PAWR: variants seen among roughly 807,000 people sequenced by gnomAD.
PAWR encodes the protein PRKC apoptosis WT1 regulator protein.
Under a neutral mutation model 32.0 loss-of-function variants are expected in PAWR, and 23 were observed. That is an observed-to-expected ratio of 0.72 (90% CI 0.52 to 1.02). The LOEUF (loss-of-function observed/expected upper bound fraction) is 1.02. Among genes scored for constraint, PAWR ranks in the 50% least tolerant of loss-of-function variants. The pLI, the probability that PAWR is intolerant of heterozygous loss-of-function variation, is 0.00. For synonymous variants in PAWR, 226 were observed against 187.1 expected, an observed-to-expected ratio of 1.21 and a Z score of -1.70; for missense variants, 457 against 437.7, an observed-to-expected ratio of 1.04 and a Z score of -0.39.
At chr12:79,679,587 G>A (rs745895275) in intron 2 of PAWR, among the ~76,000 whole-genome samples, 1 of 152,154 alleles carries the variant, frequency 6.6e-6, no homozygotes, top group Non-Finnish European at 1.5e-5. Flanking sequence ...GGAGGTAGAG[G>A]CTGAGTATTT....
At chr12:79,672,976 G>A (rs940069116) in intron 2 of PAWR, among the ~76,000 whole-genome samples, 8 of 151,984 alleles carry the variant, frequency 5.3e-5, no homozygotes, top group African/African-American at 1.7e-4. Context: ...CTACCACAAC[G>A]AAAATAATGA....
At chr12:79,628,604 T>C (rs1875457634) in intron 2 of PAWR, among the ~76,000 whole-genome samples, 1 of 151,720 alleles carries the variant, frequency 6.6e-6, no homozygotes. Context: ...CTTCTACAAA[T>C]AACAAAAACT....
chr12:79,679,332 A>G (rs917151281), intron 2 of PAWR, among the ~76,000 whole-genome samples: 1 of 152,162 alleles, frequency 6.6e-6, no homozygotes, highest in African/African-American at 2.4e-5. Context: ...AATGCTACAG[A>G]GAGGACAAAT....
chr12:79,613,850 T>C (rs974303591), intron 3 of PAWR, among the ~76,000 whole-genome samples: 1 of 141,672 alleles, frequency 7.1e-6, no homozygotes, highest in Non-Finnish European at 1.5e-5. Context: ...ACTCAGAAAA[T>C]GGACAAGGCC....
At position 79,592,497 on chromosome 12, in the gene PAWR, C is replaced by T; in HGVS notation, c.*110G>A. On this transcript the variant is annotated 3_prime_UTR_variant, in exon 7 of 7. Coordinates refer to ENST00000328827, the MANE Select transcript of PAWR (RefSeq NM_002583.4). The stretch of plus-strand genomic sequence containing the variant: ...CATCTGTTTGCTAGAAATAAATATA[C>T]TTGCTTAGTTATTTTAATGTATTGC... 5.4e-6 allele frequency: 3 copies of T among 557,902 alleles called. No individual in the cohort carries two copies. Among genetic ancestry groups the T allele is most frequent in the Non-Finnish European group, 9.5e-6 (3 of 317,438 alleles). 34.6% of individuals were successfully genotyped at this position (557,902 alleles called of 1,614,324 possible). A position where few individuals can be genotyped will look rare whatever the true frequency, so the allele number is the denominator to read the frequency against.
chr12:79,615,922 T>A (rs1874709391), intron 3 of PAWR, among the ~76,000 whole-genome samples: 1 of 151,884 alleles, frequency 6.6e-6, no homozygotes, highest in African/African-American at 2.4e-5. Context: ...CTGGGTGAAG[T>A]GGCGTGTGCC....
chr12:79,680,569 C>T (rs1481909668), intron 2 of PAWR, among the ~76,000 whole-genome samples: 2 of 152,188 alleles, frequency 1.3e-5, no homozygotes, highest in African/African-American at 2.4e-5. Flanking sequence ...TCCATTTTCA[C>T]ATATGCCCTA....
intron 2 of PAWR, among the ~76,000 whole-genome samples, chr12:79,656,016 T>C (rs1216762702): frequency 1.3e-5 from 2 of 152,198 alleles, no homozygotes; most frequent in African/African-American, 2.4e-5. Flanking sequence ...ATAGAACTCC[T>C]TCAGGCAAAG....
intron 2 of PAWR, among the ~76,000 whole-genome samples, chr12:79,644,751 C>A (rs1565687820): frequency 6.6e-6 from 1 of 152,052 alleles, no homozygotes; most frequent in Non-Finnish European, 1.5e-5. Flanking sequence ...TGAAACTAGG[C>A]TTTAAAATTC....
At position 79,689,716 on chromosome 12, in the gene PAWR, C is replaced by G; in HGVS notation, c.516+13G>C. 6.5e-7 allele frequency: 1 copy of G among 1,540,040 alleles called. No homozygotes were observed. Reference sequence around the variant, plus strand: ...CCCCGGCCCGGTCCGGCTGCGGCCCCCGCCCGGCTCACCTCTGCGGCAGGG... The same window carrying G: ...CCCCGGCCCGGTCCGGCTGCGGCCCGCGCCCGGCTCACCTCTGCGGCAGGG... On this transcript the variant is annotated intron_variant, in intron 2 of 6. Transcript: ENST00000328827.
intron 4 of PAWR, among the ~76,000 whole-genome samples, chr12:79,611,258 AT>A (rs1265328478): frequency 2.0e-5 from 3 of 146,592 alleles, no homozygotes; most frequent in East Asian, 1.9e-4. Flanking sequence ...TATTATATAT[AT>A]TTATATATAA....
intron 2 of PAWR, chr12:79,635,414 C>T (rs748688031): frequency 1.3e-5 from 2 of 152,092 alleles, no homozygotes; most frequent in Admixed American, 6.6e-5. Context: ...ACCTGGAATG[C>T]TACCCACATT....
intron 2 of PAWR, among the ~76,000 whole-genome samples, chr12:79,626,163 TAAAAAAAAAAA>T (rs565157190): frequency 0.015 from 1,220 of 82,172 alleles, 19 homozygotes; most frequent in Non-Finnish European, 0.024. Flanking sequence ...GACTCCATCT[TAAAAAAAAAAA>T]AAAAAAAAAA....
intron 2 of PAWR, among the ~76,000 whole-genome samples, chr12:79,628,296 G>A (rs1224404747): frequency 1.3e-5 from 2 of 152,076 alleles, no homozygotes; most frequent in Non-Finnish European, 2.9e-5. Flanking sequence ...GAATCTCTGG[G>A]ACACATTCAA....
At chr12:79,681,119 GAGA>G (rs985845986) in intron 2 of PAWR, among the ~76,000 whole-genome samples, 5 of 114,322 alleles carry the variant, frequency 4.4e-5, no homozygotes, top group Admixed American at 1.0e-4. Flanking sequence ...CAGAAAAAAG[GAGA>G]AGAAGGGAGG....
intron 4 of PAWR, among the ~76,000 whole-genome samples, chr12:79,610,269 G>C (rs989202915): frequency 6.6e-6 from 1 of 152,196 alleles, no homozygotes. Context: ...GCTGGGTAAG[G>C]TTTTCAGCAT....
At chr12:79,670,243 C>T (rs983741019) in intron 2 of PAWR, among the ~76,000 whole-genome samples, 5 of 151,966 alleles carry the variant, frequency 3.3e-5, no homozygotes, top group African/African-American at 1.2e-4. Flanking sequence ...AGTACATAAG[C>T]AAAGTCCAAG....
intron 2 of PAWR, among the ~76,000 whole-genome samples, chr12:79,657,412 A>G (rs1214671718): frequency 6.6e-6 from 1 of 151,870 alleles, no homozygotes; most frequent in African/African-American, 2.4e-5. Context: ...CCTACACTTC[A>G]ATATATTTAA....
intron 2 of PAWR, chr12:79,688,326 T>G (rs1878785780): frequency 6.6e-6 from 1 of 152,074 alleles, no homozygotes; most frequent in African/African-American, 2.4e-5. Context: ...ATAAGACCGC[T>G]GTCAGATGAA....
Sources: gnomAD v4.1 joint callset for allele counts (sites outside exome capture counted in the v4.1 genomes callset) on GRCh38, gnomAD v4.1.1 for gene constraint, MANE v1.5 for transcripts, NCBI Gene and HGNC (gene_info 2026-07-23, HGNC 2026-07-21) for gene names.